Variants in FLCN observed in about 807,000 individuals in gnomAD.
FLCN encodes the protein folliculin, also known as BHD skin lesion fibrofolliculoma protein.
Under a neutral mutation model 62.5 loss-of-function variants are expected in FLCN, and 22 were observed. The ratio of observed to expected loss-of-function variants is 0.35; its 90% CI spans 0.25 to 0.50. The LOEUF is 0.50. Among genes scored for constraint, FLCN ranks in the 20% least tolerant of loss-of-function variants. The probability of loss-of-function intolerance (pLI) is 0.97; values close to 1 mark genes in which losing one functional copy is unlikely to be tolerated. For synonymous variants in FLCN, 319 were observed against 310.0 expected (o/e 1.03, Z -0.30); for missense variants, 657 against 778.0 (o/e 0.84, Z 1.85).
intron 11 of FLCN, 126 bp from the exon 12 acceptor site, chr17:17,215,442 G>A (rs980544858): frequency 1.1e-5 from 16 of 1,443,082 alleles, no homozygotes; most frequent in Non-Finnish European, 1.5e-5. Context: ...TGAAAAGACT[G>A]GCCCAAATCA....
chr17:17,222,039 T>TAAA (rs35488709), intron 7 of FLCN, among the ~76,000 whole-genome samples: 4 of 142,604 alleles, frequency 2.8e-5, no homozygotes, highest in East Asian at 2.0e-4. Context: ...AGATTTGCTT[T>TAAA]AAAAAAAAAA....
intron 3 of FLCN, among the ~76,000 whole-genome samples, chr17:17,230,314 T>C (rs1178984344): frequency 6.6e-6 from 1 of 152,090 alleles, no homozygotes; most frequent in Non-Finnish European, 1.5e-5. Context: ...GTGGATCACT[T>C]GAGGTCAGGA....
chr17:17,223,838 G>A (rs372035770), intron 6 of FLCN, 84 bp downstream of exon 6: 137 of 1,377,546 alleles, frequency 9.9e-5, no homozygotes, highest in African/African-American at 7.1e-4. Flanking sequence ...GACGCCACGC[G>A]GTCTCCAGGC....
Position 17,217,168 on chromosome 17 carries a change from AG to A in FLCN, c.1076del (p.Pro359LeufsTer16). The A allele has an allele frequency of 6.2e-7, 1 of 1,613,488 alleles. No individual in the cohort carries two copies. The highest frequency in any genetic ancestry group is 8.5e-7 in the Non-Finnish European group (1 of 1,179,534). Reference protein sequence around the residue: ...LRHMRQVLGAPSFRMLAWHVL... With the variant: ...LRHMRQVLGAXSFRMLAWHVL... ...CGTGCCAGGCCAGCATGCGGAAAGAAGGGGCACCCAGGACCTAAACAAGAGA... is the reference window on the plus strand; with the variant it reads ...CGTGCCAGGCCAGCATGCGGAAAGAAGGGCACCCAGGACCTAAACAAGAGA... On this transcript the variant is annotated frameshift_variant, in exon 10 of 14. Transcript: ENST00000285071. LOFTEE classifies it high-confidence loss of function.
chr17:17,213,882 C>G, intron 13 of FLCN, 26 bp from the exon 14 acceptor site: 1 of 1,612,590 alleles, frequency 6.2e-7, no homozygotes, highest in Non-Finnish European at 8.5e-7. Context: ...ACAAAACACT[C>G]AGACACCACA....
chr17:17,213,503 T>A lies in FLCN; in HGVS notation c.*152A>T. ...CTGGGAAGCACACAGGCCCCAAACC[T>A]GACAGGGCCGAGCCCAGCCCTGATG... On this transcript the variant is annotated 3_prime_UTR_variant, in exon 14 of 14. Coordinates refer to ENST00000285071, the MANE Select transcript of FLCN (RefSeq NM_144997.7). 9.6e-7 allele frequency: 1 copy of A among 1,044,162 alleles called. No individual in the cohort carries two copies. The highest frequency in any genetic ancestry group is 1.4e-6 in the Non-Finnish European group (1 of 694,858). The allele number at this position is 1,044,162 out of a possible 1,614,324, so 64.7% of individuals were successfully genotyped here.
Position 17,216,165 on chromosome 17 carries a change from C to T in FLCN, c.1300+215G>A, listed in dbSNP as rs547098483. 1.4e-4 allele frequency among the ~76,000 whole-genome samples: 21 copies of T among 152,278 alleles called. No individual in the cohort carries two copies. Among genetic ancestry groups the T allele is most frequent in the Admixed American group, 6.5e-4 (10 of 15,308 alleles). ...ACGATGGTGACCTGCAGCCCACTGA[C>T]GACAGTCCCTGCCAGCCAACCTTCC... is the stretch of plus-strand genomic sequence containing the variant. On this transcript the variant is annotated intron_variant, in intron 11 of 13. Transcript: ENST00000285071. This position sits in a 1 kb window ranked among gnomAD's most constrained non-coding sequence, Gnocchi z 4.0.
At position 17,219,110 on chromosome 17, in the gene FLCN, T is replaced by G. The variant is rs767368450; in HGVS notation, c.971A>C (p.Gln324Pro). 1.9e-6 allele frequency: 3 copies of G among 1,614,186 alleles called. No homozygotes were observed. Among genetic ancestry groups the G allele is most frequent in the Non-Finnish European group, 1.7e-6 (2 of 1,180,016 alleles). Residue 324 changes from glutamine (Q) to proline (P), a missense_variant, in exon 9 of 14, where the codon CAG (glutamine) becomes CCG (proline). Coordinates refer to ENST00000285071, the MANE Select transcript of FLCN (RefSeq NM_144997.7). ...PESTEGRELTQGPAESSSLSG... is the reference protein window; with the variant it reads ...PESTEGRELTPGPAESSSLSG... ...GAGAGAGGAGGACTCTGCCGGGCCC[T>G]GGGTCAGCTCCCGCCCTTCTGTACT... is the stretch of plus-strand genomic sequence containing the variant.
chr17:17,215,015 C>T lies in FLCN; in HGVS notation c.1508G>A (p.Cys503Tyr). The change falls in exon 13 of 14, where the codon TGC (cysteine) becomes TAC (tyrosine). Residue 503 changes from cysteine to tyrosine, a missense_variant. Transcript: ENST00000285071. ...QNLSVDVVDQ[C>Y]LVCLKEEWMN... is the part of the protein sequence containing the mutation. The stretch of plus-strand genomic sequence containing the variant: ...CCACTCCTCCTTGAGGCAGACGAGG[C>T]ACTGGTCCACCACATCCACAGACAG... 6.2e-7 allele frequency: 1 copy of T among 1,614,190 alleles called. No individual in the cohort carries two copies. The highest frequency in any genetic ancestry group is 8.5e-7 in the Non-Finnish European group (1 of 1,180,036).
Position 17,216,878 on chromosome 17 carries a change from G to A in FLCN, c.1176+191C>T, listed in dbSNP as rs754817241. The A allele has an allele frequency of 3.1e-5, 20 of 651,104 alleles. No individual in the cohort carries two copies. The highest frequency in any genetic ancestry group is 8.9e-5 in the Admixed American group (4 of 44,756). 40.3% of individuals were successfully genotyped at this position (651,104 alleles called of 1,614,324 possible). A position where few individuals can be genotyped will look rare whatever the true frequency, so the allele number is the denominator to read the frequency against. ...AGGCCTGGGCAGTCAGCAGGCACAC[G>A]CATCCTTCTGATGATTTAAACATCA... On this transcript the variant is annotated intron_variant, in intron 10 of 13. Coordinates refer to ENST00000285071, the MANE Select transcript of FLCN (RefSeq NM_144997.7). The surrounding 1 kb of genome is among the most constrained non-coding windows in gnomAD (Gnocchi z 4.0).
chr17:17,215,525 A>C (rs879700825), intron 11 of FLCN, among the ~76,000 whole-genome samples: 1 of 152,248 alleles, frequency 6.6e-6, no homozygotes, highest in Non-Finnish European at 1.5e-5. Context: ...AGTTAAACTA[A>C]TAATTTATTA....
At position 17,213,213 on chromosome 17, in the gene FLCN, A is replaced by G. The variant is rs7224213; in HGVS notation, c.*442T>C. The G allele has an allele frequency of 0.021, 8,132 of 378,794 alleles. 123 individuals are homozygous for G. Among genetic ancestry groups the G allele is most frequent in the African/African-American group, 0.041 (2,034 of 50,070 alleles). The allele number at this position is 378,794 out of a possible 1,614,324, so 23.5% of individuals were successfully genotyped here. A position where few individuals can be genotyped will look rare whatever the true frequency, so the allele number is the denominator to read the frequency against. On this transcript the variant is annotated 3_prime_UTR_variant, in exon 14 of 14. Transcript: ENST00000285071. ...AATATTCACAACTGCAGCAAAAGGTACCCTCAAACATAAGGCCCAGAAACT... is the reference window on the plus strand; with the variant it reads ...AATATTCACAACTGCAGCAAAAGGTGCCCTCAAACATAAGGCCCAGAAACT...
Position 17,216,236 on chromosome 17 carries a change from G to C in FLCN, c.1300+144C>G, listed in dbSNP as rs538464887. The C allele has an allele frequency of 5.5e-4, 680 of 1,233,670 alleles. 2 individuals are homozygous for C. In the African/African-American group the frequency reaches 8.4e-3, roughly 15 times the overall value. The allele number at this position is 1,233,670 out of a possible 1,614,324, so 76.4% of individuals were successfully genotyped here. On this transcript the variant is annotated intron_variant, in intron 11 of 13. Coordinates refer to ENST00000285071, the MANE Select transcript of FLCN (RefSeq NM_144997.7). This position sits in a 1 kb window ranked among gnomAD's most constrained non-coding sequence, Gnocchi z 4.0. ...CGCTACCTGTGTGAAGATAGAACAC[G>C]GAGGCCCAGAGCCATGGGGGAAGCT...
chr17:17,234,702 G>A (rs2047530358), intron 1 of FLCN, among the ~76,000 whole-genome samples: 1 of 151,540 alleles, frequency 6.6e-6, no homozygotes, highest in African/African-American at 2.4e-5. Flanking sequence ...AAATTGCCGG[G>A]TGTGGTGGCT....
intron 5 of FLCN, 141 bp from the exon 6 acceptor site, chr17:17,224,284 G>A (rs2047186807): frequency 2.6e-6 from 2 of 755,210 alleles, no homozygotes; most frequent in Non-Finnish European, 4.6e-6. Flanking sequence ...TGGGGGCCAT[G>A]AGAGCCGAAG....
At chr17:17,218,358 A>C (rs2144884401) in intron 9 of FLCN, among the ~76,000 whole-genome samples, 1 of 150,088 alleles carries the variant, frequency 6.7e-6, no homozygotes, top group South Asian at 2.1e-4. Context: ...AGTTGTTCCT[A>C]ATTTTTTGTA....
chr17:17,233,912 A>G (rs2047500076), intron 1 of FLCN, among the ~76,000 whole-genome samples: 1 of 151,454 alleles, frequency 6.6e-6, no homozygotes, highest in African/African-American at 2.4e-5. Context: ...TAGTAGAGAC[A>G]GAGTTTCACC....
intron 11 of FLCN, among the ~76,000 whole-genome samples, 173 bp from the exon 12 acceptor site, chr17:17,215,489 AAT>A (rs1322062326): frequency 7.2e-5 from 11 of 152,198 alleles, no homozygotes; most frequent in African/African-American, 2.4e-4. Flanking sequence ...GTTATTCGTG[AAT>A]AGTTAAGGGT....
In FLCN at chr17:17,215,381, C is replaced by T. The variant is rs2046887169; in HGVS notation, c.1301-65G>A. The T allele has an allele frequency of 6.2e-6, 10 of 1,609,796 alleles. No homozygotes were observed. In the Admixed American group the frequency reaches 1.3e-4, roughly 21 times the overall value. On this transcript the variant is annotated intron_variant, in intron 11 of 13. Transcript: ENST00000285071. ...TGCTCCTCACCTCCCCTGCGCTAGCCCACCGTGGGCCCCACTCCGCTCATC... is the reference window on the plus strand; with the variant it reads ...TGCTCCTCACCTCCCCTGCGCTAGCTCACCGTGGGCCCCACTCCGCTCATC...
Sources: allele counts gnomAD v4.1 joint callset (sites outside exome capture counted in the v4.1 genomes callset), GRCh38; gene constraint gnomAD v4.1.1; non-coding constraint Gnocchi (gnomAD v3.1); transcripts MANE v1.5; gene names NCBI Gene and HGNC (gene_info 2026-07-23, HGNC 2026-07-21).